Variants in PLEKHA5 observed in about 807,000 individuals in gnomAD.
The protein encoded by PLEKHA5 is pleckstrin homology domain-containing family A member 5.
A neutral mutation model predicts 181.9 loss-of-function variants in PLEKHA5; 55 were observed. That is an observed-to-expected ratio of 0.30 (90% CI 0.24 to 0.38). The LOEUF (loss-of-function observed/expected upper bound fraction) is 0.38, where lower values mean the gene tolerates loss of function less well. Among genes scored for constraint, PLEKHA5 ranks in the 10% least tolerant of loss-of-function variants. The probability of loss-of-function intolerance (pLI) is 1.00; values close to 1 mark genes in which losing one functional copy is unlikely to be tolerated. For synonymous variants in PLEKHA5, 535 were observed against 529.4 expected, an observed-to-expected ratio of 1.01 and a Z score of -0.15; for missense variants, 1,432 against 1,549.5, an observed-to-expected ratio of 0.92 and a Z score of 1.27.
At chr12:19,145,484 T>G (rs905907703) in intron 3 of PLEKHA5, among the ~76,000 whole-genome samples, 1 of 152,182 alleles carries the variant, frequency 6.6e-6, no homozygotes, top group African/African-American at 2.4e-5. Context: ...ATGTACATAC[T>G]TATATATACA....
chr12:19,303,995 G>C (rs183621598), intron 15 of PLEKHA5, among the ~76,000 whole-genome samples: 27 of 135,644 alleles, frequency 2.0e-4, no homozygotes, highest in Non-Finnish European at 3.3e-4. Context: ...TTTTGTAGAG[G>C]GGGGGGTTTC....
intron 3 of PLEKHA5, among the ~76,000 whole-genome samples, chr12:19,193,564 A>G (rs752922967): frequency 1.3e-5 from 2 of 152,088 alleles, no homozygotes; most frequent in African/African-American, 4.8e-5. Context: ...GCATTGTGGT[A>G]AAATCAGGGC....
rs34702332 is a variant in PLEKHA5, at chr12:19,302,906, A to ATTTTTTTTTT, written c.2037+11233_2037+11242dup. On this transcript the variant is annotated intron_variant, in intron 15 of 31. Transcript: ENST00000429027. ...GTTGGACAGCACTGTTCTGTATGAA[A>ATTTTTTTTTT]TTTTTTTTTTTTTTTTTTTTTTTTT... Among the ~76,000 whole-genome samples the ATTTTTTTTTT allele has an allele frequency of 1.6e-3, 85 of 53,994 alleles. 2 individuals carry two copies. The highest frequency in any genetic ancestry group is 3.9e-3 in the East Asian group (5 of 1,292). 35.4% of individuals were successfully genotyped at this position (53,994 alleles called of 152,430 possible). A position where few individuals can be genotyped will look rare whatever the true frequency, so the allele number is the denominator to read the frequency against.
chr12:19,332,146 A>AGCT (rs2092908678), intron 20 of PLEKHA5, among the ~76,000 whole-genome samples: 2 of 151,686 alleles, frequency 1.3e-5, no homozygotes, highest in African/African-American at 4.8e-5. Flanking sequence ...TGGTGGTGCA[A>AGCT]ACCTGTAGTC....
Position 19,244,305 on chromosome 12 carries a change from G to A in PLEKHA5, c.228-9635G>A, listed in dbSNP as rs889276285. ...CAACTTAAGAAGCTAGTAAATTATA[G>A]TTAAAAATTATGGTACTCTTTTTGG... On this transcript the variant is annotated intron_variant, in intron 3 of 31. Transcript: ENST00000429027. Among the ~76,000 whole-genome samples the A allele has an allele frequency of 2.6e-5, 4 of 151,296 alleles. No individual in the cohort carries two copies. In the East Asian group the frequency reaches 5.8e-4, roughly 22 times the overall value.
intron 10 of PLEKHA5, among the ~76,000 whole-genome samples, chr12:19,270,808 T>C (rs1272594224): frequency 1.3e-5 from 2 of 152,036 alleles, no homozygotes; most frequent in Admixed American, 6.6e-5. Flanking sequence ...TTCCCTCTTC[T>C]TTTTTTTCCC....
rs368194823 is a variant in PLEKHA5, at chr12:19,322,280, G to T, written c.2218-30G>T. 1.0e-4 allele frequency: 152 copies of T among 1,459,054 alleles called. No homozygotes were observed. In the African/African-American group the frequency reaches 1.9e-3, roughly 19 times the overall value. The allele number at this position is 1,459,054 out of a possible 1,614,324, so 90.4% of individuals were successfully genotyped here. A position where few individuals can be genotyped will look rare whatever the true frequency, so the allele number is the denominator to read the frequency against. The stretch of plus-strand genomic sequence containing the variant: ...CCAATTACAGAAAAAATAAAAAATT[G>T]CTAACAAGACATCTTCTCTTATAAC... On this transcript the variant is annotated intron_variant, in intron 18 of 31. Transcript: ENST00000429027.
chr12:19,223,480 C>A (rs2059276479), intron 3 of PLEKHA5, among the ~76,000 whole-genome samples: 1 of 151,984 alleles, frequency 6.6e-6, no homozygotes, highest in Non-Finnish European at 1.5e-5. Flanking sequence ...ACTTTCAATC[C>A]ACAGCCATAC....
At chr12:19,144,452 T>C (rs1430804402) in intron 3 of PLEKHA5, among the ~76,000 whole-genome samples, 1 of 151,954 alleles carries the variant, frequency 6.6e-6, no homozygotes, top group East Asian at 1.9e-4. Flanking sequence ...GGAATTATCC[T>C]AGGAGAACAG....
At chr12:19,247,924 A>AT in intron 3 of PLEKHA5, among the ~76,000 whole-genome samples, 3 of 149,036 alleles carry the variant, frequency 2.0e-5, no homozygotes, top group African/African-American at 7.5e-5. Context: ...TTTAAATTTA[A>AT]TTAAAAAAAA....
rs2033174684 is a variant in PLEKHA5, at chr12:19,130,319, C to T, written c.169+189C>T. On this transcript the variant is annotated intron_variant, in intron 2 of 31. Coordinates refer to ENST00000429027, the MANE Select transcript of PLEKHA5 (RefSeq NM_001256470.2). This position sits in a 1 kb window ranked among gnomAD's most constrained non-coding sequence, Gnocchi z 4.5. ...CGCCGCCGGGAGTTCTCTCCAGTCT[C>T]GGGGCGCCTCTTTCTCCTCAGCCTT... is the stretch of plus-strand genomic sequence containing the variant. Among the ~76,000 whole-genome samples the T allele has an allele frequency of 6.6e-6, 1 of 152,072 alleles. No homozygotes were observed. The highest frequency in any genetic ancestry group is 2.0e-4 in the East Asian group (1 of 5,128).
chr12:19,322,285 C>T (rs748052782), intron 18 of PLEKHA5, 25 bp from the exon 19 acceptor site: 2 of 1,508,410 alleles, frequency 1.3e-6, no homozygotes, highest in Non-Finnish European at 1.8e-6. Flanking sequence ...AAATTGCTAA[C>T]AAGACATCTT....
At chr12:19,301,373 C>A (rs965861392) in intron 15 of PLEKHA5, among the ~76,000 whole-genome samples, 27 of 151,930 alleles carry the variant, frequency 1.8e-4, no homozygotes, top group African/African-American at 2.4e-5. Flanking sequence ...ATCTTGAGTT[C>A]TTTTAATATT....
Position 19,183,116 on chromosome 12 carries a change from G to T in PLEKHA5, c.227+50666G>T, listed in dbSNP as rs143555388. ...TTAAAGGAGATTAAAAGGAGAGTGG[G>T]GGAAACAGCAAGGATGAATTCAATG... On this transcript the variant is annotated intron_variant, in intron 3 of 31. Transcript: ENST00000429027. Among the ~76,000 whole-genome samples the T allele has an allele frequency of 7.0e-3, 1,060 of 152,218 alleles. 2 individuals carry two copies. Among genetic ancestry groups the T allele is most frequent in the Non-Finnish European group, 0.011 (728 of 68,010 alleles).
intron 3 of PLEKHA5, among the ~76,000 whole-genome samples, chr12:19,190,213 A>G (rs1016344164): frequency 6.6e-6 from 1 of 152,304 alleles, no homozygotes; most frequent in African/African-American, 2.4e-5. Context: ...TTTACTGGTA[A>G]TTATATTTTC....
At chr12:19,172,727 A>G (rs538266044) in intron 3 of PLEKHA5, among the ~76,000 whole-genome samples, 1 of 152,278 alleles carries the variant, frequency 6.6e-6, no homozygotes, top group Admixed American at 6.5e-5. Context: ...GAGCACCATC[A>G]TTATTCTTAT....
chr12:19,292,708 G>A (rs1041558713), intron 15 of PLEKHA5, among the ~76,000 whole-genome samples: 3 of 152,194 alleles, frequency 2.0e-5, no homozygotes, highest in South Asian at 4.1e-4. Context: ...GGAGGCTGAG[G>A]CAGGTGGATC....
At chr12:19,271,789 T>G (rs995740544) in intron 10 of PLEKHA5, among the ~76,000 whole-genome samples, 1 of 152,274 alleles carries the variant, frequency 6.6e-6, no homozygotes, top group East Asian at 1.9e-4. Context: ...TTATACAGTT[T>G]TCAGCCGTCT....
intron 9 of PLEKHA5, 149 bp downstream of exon 9, chr12:19,270,034 G>T: frequency 1.6e-6 from 1 of 624,268 alleles, no homozygotes; most frequent in South Asian, 2.3e-5. Flanking sequence ...TTCCTGTTCT[G>T]AATTAAATTA....
Sources: gnomAD v4.1 joint callset for allele counts (sites outside exome capture counted in the v4.1 genomes callset) on GRCh38, gnomAD v4.1.1 for gene constraint, Gnocchi (gnomAD v3.1) non-coding constraint, MANE v1.5 for transcripts, NCBI Gene and HGNC (gene_info 2026-07-23, HGNC 2026-07-21) for gene names.